MANBA: variants seen among roughly 807,000 people sequenced by gnomAD.
The protein encoded by MANBA is beta-mannosidase.
Under a neutral mutation model 111.1 loss-of-function variants are expected in MANBA, and 83 were observed. That is an observed-to-expected ratio of 0.75 (90% CI 0.63 to 0.90). MANBA has a LOEUF of 0.90. Ranked by LOEUF, MANBA falls within the 40% of genes least tolerant of loss-of-function variation. The pLI, the probability that MANBA is intolerant of heterozygous loss-of-function variation, is 0.00. For missense variants in MANBA, 1,036 were observed against 1,069.0 expected (o/e 0.97, Z 0.43); for synonymous variants, 370 against 378.7 (o/e 0.98, Z 0.27).
chr4:102,640,191 C>G (rs1438135470), intron 13 of MANBA, among the ~76,000 whole-genome samples: 2 of 152,010 alleles, frequency 1.3e-5, no homozygotes, highest in Non-Finnish European at 2.9e-5. Context: ...AGAGCAAATG[C>G]TATATATAGT....
intron 5 of MANBA, among the ~76,000 whole-genome samples, chr4:102,707,501 T>C (rs543180810): frequency 6.6e-6 from 1 of 152,202 alleles, no homozygotes; most frequent in East Asian, 1.9e-4. Flanking sequence ...ATAAAACCAC[T>C]GGTTGAGTAA....
chr4:102,736,451 G>C (rs1723218739), intron 1 of MANBA, among the ~76,000 whole-genome samples: 1 of 152,158 alleles, frequency 6.6e-6, no homozygotes, highest in Non-Finnish European at 1.5e-5. Context: ...TATAGATACA[G>C]AGACTACTTA....
rs563658652 is a variant in MANBA at position 102,720,801 on chromosome 4, CA to C, written c.549+2069del. Among the ~76,000 whole-genome samples the C allele has an allele frequency of 7.9e-5, 12 of 152,172 alleles. No individual in the cohort carries two copies. The South Asian group carries it at 2.3e-3, about 29-fold the overall frequency. On this transcript the variant is annotated intron_variant, in intron 4 of 16. Coordinates refer to ENST00000647097, the MANE Select transcript of MANBA (RefSeq NM_005908.4). Reference sequence around the variant, plus strand: ...AAGGCTGTTATTACAGTAATTTGAACAAATGGTCAATGGGTCATTGACACAA... The same window carrying C: ...AAGGCTGTTATTACAGTAATTTGAACAATGGTCAATGGGTCATTGACACAA...
In MANBA at chr4:102,639,671, G is replaced by A. The variant is rs1012114284; in HGVS notation, c.2014+42C>T. On this transcript the variant is annotated intron_variant, in intron 14 of 16. Transcript: ENST00000647097. ...CTTTCTCAGTCCCTCTCCCCACAGT[G>A]TTGCTTTCTCTCACTCGCACAAAGA... 5 of 1,613,242 alleles carry A rather than the reference G, an allele frequency of 3.1e-6. No individual in the cohort carries two copies. The African/African-American group carries it at 6.7e-5, about 22-fold the overall frequency.
At chr4:102,720,996 T>C (rs1028961120) in intron 4 of MANBA, among the ~76,000 whole-genome samples, 2 of 152,244 alleles carry the variant, frequency 1.3e-5, no homozygotes, top group Admixed American at 1.3e-4. Flanking sequence ...TGGGAAAATA[T>C]GTTTAGTATC....
At chr4:102,752,168 C>T (rs754207736) in intron 1 of MANBA, 1 of 787,326 alleles carries the variant, frequency 1.3e-6, no homozygotes, top group Non-Finnish European at 2.3e-6. Flanking sequence ...TTCCTCAGTT[C>T]TGTGGTCAGA....
intron 7 of MANBA, among the ~76,000 whole-genome samples, chr4:102,680,287 G>T (rs1035169995): frequency 2.0e-5 from 3 of 152,146 alleles, no homozygotes; most frequent in Non-Finnish European, 4.4e-5. Context: ...GTTCAAGATG[G>T]AGTCTATTTG....
chr4:102,670,154 C>CAAAAAAAAAAAAAAAA (rs70937560), intron 9 of MANBA, among the ~76,000 whole-genome samples: 1 of 107,940 alleles, frequency 9.3e-6, no homozygotes, highest in African/African-American at 4.2e-5. Context: ...GACTCCATAT[C>CAAAAAAAAAAAAAAAA]AAAAAAAAAA....
chr4:102,714,188 C>A (rs1274636472), intron 5 of MANBA, among the ~76,000 whole-genome samples: 1 of 152,160 alleles, frequency 6.6e-6, no homozygotes, highest in East Asian at 1.9e-4. Flanking sequence ...CTTGGCGCTG[C>A]TCTTCCATTT....
chr4:102,728,006 G>T, intron 1 of MANBA: 1 of 446,262 alleles, frequency 2.2e-6, no homozygotes, highest in Non-Finnish European at 4.3e-6. Flanking sequence ...AACCAAAATG[G>T]GTAAGTCTTT....
intron 7 of MANBA, among the ~76,000 whole-genome samples, chr4:102,681,080 T>C (rs11097790): frequency 0.23 from 34,210 of 151,962 alleles, 4,548 homozygotes; most frequent in East Asian, 0.34. Context: ...AGCGGGAGGG[T>C]TGCTTGAGGA....
intron 1 of MANBA, among the ~76,000 whole-genome samples, chr4:102,736,340 T>C (rs1007254724): frequency 1.3e-5 from 2 of 152,242 alleles, no homozygotes; most frequent in Non-Finnish European, 1.5e-5. Flanking sequence ...TTACTATGTT[T>C]ACTGTACATC....
At chr4:102,728,739 C>T (rs1404015914) in intron 1 of MANBA, 15 of 845,670 alleles carry the variant, frequency 1.8e-5, no homozygotes, top group African/African-American at 6.8e-5. Context: ...GGGGCTGCCG[C>T]AGCTGTTCAC....
intron 13 of MANBA, among the ~76,000 whole-genome samples, chr4:102,644,716 T>A (rs977257591): frequency 1.3e-5 from 2 of 152,118 alleles, no homozygotes; most frequent in African/African-American, 4.8e-5. Context: ...CTATAATTAA[T>A]AATGTATTGT....
At chr4:102,719,964 G>C (rs766101424) in intron 4 of MANBA, among the ~76,000 whole-genome samples, 1 of 152,206 alleles carries the variant, frequency 6.6e-6, no homozygotes, top group Non-Finnish European at 1.5e-5. Flanking sequence ...TAGTGACAAA[G>C]GGCTATGTTC....
chr4:102,712,340 G>A (rs1428694404), intron 5 of MANBA, among the ~76,000 whole-genome samples: 1 of 152,072 alleles, frequency 6.6e-6, no homozygotes, highest in African/African-American at 2.4e-5. Context: ...CTAATAAAGT[G>A]AACTCTAATA....
At chr4:102,736,879 A>C (rs907960497) in intron 1 of MANBA, among the ~76,000 whole-genome samples, 8 of 152,214 alleles carry the variant, frequency 5.3e-5, no homozygotes, top group Non-Finnish European at 8.8e-5. Context: ...GAAACAGCCA[A>C]AAACTGTGAG....
chr4:102,760,578 A>T, intron 1 of MANBA, 140 bp downstream of exon 1: 1 of 970,720 alleles, frequency 1.0e-6, no homozygotes, highest in South Asian at 1.7e-5. Context: ...CCCCCCGCAG[A>T]TCACAAGATG....
At chr4:102,733,049 C>T (rs557179808) in intron 1 of MANBA, among the ~76,000 whole-genome samples, 5 of 152,178 alleles carry the variant, frequency 3.3e-5, no homozygotes, top group East Asian at 3.9e-4. Flanking sequence ...TATATTTTTT[C>T]GACACAAACA....
Sources: allele counts gnomAD v4.1 joint callset (sites outside exome capture counted in the v4.1 genomes callset), GRCh38; gene constraint gnomAD v4.1.1; transcripts MANE v1.5; gene names NCBI Gene and HGNC (gene_info 2026-07-23, HGNC 2026-07-21).